The following ADAMTSL1 variants were observed in gnomAD, a reference collection of about 807,000 sequenced individuals.
The protein encoded by ADAMTSL1 is ADAMTS like 1.
A neutral mutation model predicts 201.8 loss-of-function variants in ADAMTSL1; 126 were observed. The observed-to-expected ratio is 0.62, with a 90% CI of 0.54 to 0.72. ADAMTSL1 has a LOEUF of 0.72. Among genes scored for constraint, ADAMTSL1 ranks in the 30% least tolerant of loss-of-function variants. The pLI is 0.00. For missense variants in ADAMTSL1, 2,679 were observed against 2,277.8 expected (o/e 1.18, Z -3.59); for synonymous variants, 1,121 against 903.4 (o/e 1.24, Z -4.32).
chr9:18,174,050 A>G (rs1828026761), intron 2 of ADAMTSL1, among the ~76,000 whole-genome samples: 1 of 152,190 alleles, frequency 6.6e-6, no homozygotes, highest in Admixed American at 6.5e-5. Context: ...AAGGAGATGG[A>G]TATTTGCTGC....
chr9:18,044,114 A>G (rs961175578), intron 1 of ADAMTSL1, among the ~76,000 whole-genome samples: 6 of 151,152 alleles, frequency 4.0e-5, no homozygotes, highest in Non-Finnish European at 8.8e-5. Flanking sequence ...CAATAGGTAT[A>G]AAAATAGGTT....
rs35084596 is a variant in ADAMTSL1, at chr9:18,904,473, G to GA, written c.4852-1300dup. Among the ~76,000 whole-genome samples, 867 of 148,352 alleles carry GA rather than the reference G, an allele frequency of 5.8e-3. 25 individuals are homozygous for GA. In the South Asian group the frequency reaches 0.094, roughly 16 times the overall value. On this transcript the variant is annotated intron_variant, in intron 26 of 28. Coordinates refer to ENST00000380548, the MANE Select transcript of ADAMTSL1 (RefSeq NM_001040272.6). Reference sequence around the variant, plus strand: ...ACAGTGAGACTCCATCTGAGAAAAAGAAAAAAAAAGTTATTTTTAAAAATA... The same window carrying GA: ...ACAGTGAGACTCCATCTGAGAAAAAGAAAAAAAAAAGTTATTTTTAAAAATA...
intron 1 of ADAMTSL1, among the ~76,000 whole-genome samples, chr9:17,927,772 G>C (rs540443456): frequency 2.0e-5 from 3 of 151,934 alleles, no homozygotes; most frequent in African/African-American, 7.3e-5. Context: ...ACAATATAAG[G>C]GACTTGAGCA....
intron 10 of ADAMTSL1, 28 bp downstream of exon 10, chr9:18,675,935 G>T (rs774734429): frequency 1.9e-6 from 3 of 1,600,480 alleles, no homozygotes; most frequent in South Asian, 1.1e-5. Flanking sequence ...CCTGATGTTA[G>T]AATTAGCAAA....
In ADAMTSL1 at chr9:18,705,388, CT is replaced by C. The variant is rs1158665355; in HGVS notation, c.1575-1351del. 5.9e-5 allele frequency among the ~76,000 whole-genome samples: 9 copies of C among 152,072 alleles called. No homozygotes were observed. The East Asian group carries it at 1.5e-3, about 26-fold the overall frequency. On this transcript the variant is annotated intron_variant, in intron 13 of 28. Coordinates refer to ENST00000380548, the MANE Select transcript of ADAMTSL1 (RefSeq NM_001040272.6). ...GAAACTATTAGTGGTTGCTTCTGGGCTTTTTTTTCCTAGGCCCCTCTCAAGG... is the reference window on the plus strand; with the variant it reads ...GAAACTATTAGTGGTTGCTTCTGGGCTTTTTTTCCTAGGCCCCTCTCAAGG...
intron 2 of ADAMTSL1, among the ~76,000 whole-genome samples, chr9:18,505,754 A>G (rs930042826): frequency 1.8e-4 from 27 of 152,378 alleles, no homozygotes; most frequent in African/African-American, 6.3e-4. Flanking sequence ...GGTTTGCTCA[A>G]AATTACTGTA....
intron 1 of ADAMTSL1, among the ~76,000 whole-genome samples, chr9:18,058,333 T>C (rs1479330093): frequency 3.3e-5 from 5 of 152,196 alleles, no homozygotes; most frequent in African/African-American, 1.2e-4. Flanking sequence ...ATAAGATTTC[T>C]ACCAAGAGAA....
chr9:18,054,987 C>T (rs570561360), intron 1 of ADAMTSL1, among the ~76,000 whole-genome samples: 11 of 152,270 alleles, frequency 7.2e-5, no homozygotes, highest in Admixed American at 4.6e-4. Context: ...CTTCCCCAGC[C>T]GGTGCTCTAG....
intron 1 of ADAMTSL1, among the ~76,000 whole-genome samples, chr9:17,936,152 A>G (rs1365363770): frequency 2.0e-5 from 3 of 152,148 alleles, no homozygotes; most frequent in South Asian, 2.1e-4. Flanking sequence ...CCAACTGTGC[A>G]TGTGTATGTA....
intron 3 of ADAMTSL1, among the ~76,000 whole-genome samples, chr9:18,534,172 T>A (rs1004612618): frequency 1.3e-5 from 2 of 152,316 alleles, no homozygotes; most frequent in Non-Finnish European, 2.9e-5. Context: ...GTTACAGAGT[T>A]TCCCTTTTAG....
At chr9:18,494,845 A>G (rs374936184) in intron 1 of ADAMTSL1, among the ~76,000 whole-genome samples, 28 of 152,198 alleles carry the variant, frequency 1.8e-4, no homozygotes, top group Non-Finnish European at 3.4e-4. Context: ...TATTAACACT[A>G]CTAGGTCCCA....
intron 2 of ADAMTSL1, among the ~76,000 whole-genome samples, chr9:18,512,711 G>A (rs1818108363): frequency 6.6e-6 from 1 of 152,270 alleles, no homozygotes; most frequent in Non-Finnish European, 1.5e-5. Flanking sequence ...TAATACATCT[G>A]TGGAACTGGG....
intron 23 of ADAMTSL1, among the ~76,000 whole-genome samples, chr9:18,879,059 A>G (rs1252563551): frequency 6.6e-6 from 1 of 152,170 alleles, no homozygotes; most frequent in Non-Finnish European, 1.5e-5. Context: ...CATTTCTTCC[A>G]TGACCCCATC....
chr9:18,114,824 C>A (rs771509947), intron 1 of ADAMTSL1, among the ~76,000 whole-genome samples: 2 of 152,092 alleles, frequency 1.3e-5, no homozygotes, highest in Admixed American at 6.6e-5. Context: ...GTGGTGAAGG[C>A]TGAAGGGAAT....
intron 7 of ADAMTSL1, among the ~76,000 whole-genome samples, chr9:18,644,056 T>A (rs977916742): frequency 2.0e-5 from 3 of 152,020 alleles, no homozygotes. Flanking sequence ...AATTTTTTCA[T>A]CAATCTTTTA....
intron 23 of ADAMTSL1, among the ~76,000 whole-genome samples, chr9:18,881,022 T>C (rs931160847): frequency 6.6e-6 from 1 of 152,220 alleles, no homozygotes; most frequent in Non-Finnish European, 1.5e-5. Context: ...CCTCTGCAGC[T>C]TCCTCACGTC....
rs1306388042 is a variant in ADAMTSL1, at chr9:18,030,408, G to C, written c.87+123486G>C. ...ACCGGGGACTGTTGTGTGGTGGGGG[G>C]AGTGGGGAGGGATAGCATTAGGAGG... On this transcript the variant is annotated intron_variant, in intron 1 of 29. Transcript: ENST00000680146. Among the ~76,000 whole-genome samples, 3 of 152,156 alleles carry C rather than the reference G, an allele frequency of 2.0e-5. No individual in the cohort carries two copies. In the East Asian group the frequency reaches 5.8e-4, roughly 29 times the overall value.
chr9:18,579,590 C>G (rs1447230943), intron 4 of ADAMTSL1, among the ~76,000 whole-genome samples: 1 of 152,018 alleles, frequency 6.6e-6, no homozygotes, highest in African/African-American at 2.4e-5. Flanking sequence ...TTATCTTTTT[C>G]TTTTTCTTCC....
intron 7 of ADAMTSL1, among the ~76,000 whole-genome samples, chr9:18,652,754 G>T (rs1587808310): frequency 6.6e-6 from 1 of 152,100 alleles, no homozygotes; most frequent in African/African-American, 2.4e-5. Context: ...CTTAAGATGG[G>T]TTTATCAGGA....
Sources: gnomAD v4.1 joint callset for allele counts (sites outside exome capture counted in the v4.1 genomes callset) on GRCh38, gnomAD v4.1.1 for gene constraint, MANE v1.5 for transcripts, NCBI Gene and HGNC (gene_info 2026-07-23, HGNC 2026-07-21) for gene names.